Variants in CYP2W1 observed in about 807,000 individuals in gnomAD.
CYP2W1 encodes the protein cytochrome P450 family 2 subfamily W member 1.
Under a neutral mutation model 44.9 loss-of-function variants are expected in CYP2W1, and 51 were observed. That is an observed-to-expected ratio of 1.14 (90% confidence interval 0.91 to 1.43). CYP2W1 has a LOEUF of 1.43. Ranked by LOEUF, CYP2W1 falls within the 40% of genes most tolerant of loss-of-function variation. CYP2W1 has a pLI of 0.00. For missense variants in CYP2W1, 746 were observed against 700.0 expected (o/e 1.07, Z -0.74); for synonymous variants, 383 against 338.3 (o/e 1.13, Z -1.45).
rs374393317 is a variant in CYP2W1 at position 983,343 on chromosome 7, G to A, written c.132G>A (p.Leu44=). ...GPRPLPLVGN[L]HLLRLSQQDR... is the part of the protein sequence containing the mutation. ...GCCCGCTGCCGCTCGTCGGGAACCT[G>A]CACTTGCTGCGTCTGTCGCAACAGG... The change falls in exon 1 of 9, where the codon CTG becomes CTA. Residue 44 remains leucine, a synonymous_variant. Transcript: ENST00000308919. 5.9e-6 allele frequency: 9 copies of A among 1,537,986 alleles called. No individual in the cohort carries two copies. Among genetic ancestry groups the A allele is most frequent in the Non-Finnish European group, 7.0e-6 (8 of 1,144,460 alleles).
rs779779809 is a variant in CYP2W1, at chr7:988,766, C to T, written c.1417C>T (p.Arg473Trp). 2.5e-6 allele frequency: 4 copies of T among 1,598,180 alleles called. No homozygotes were observed. Among genetic ancestry groups the T allele is most frequent in the Admixed American group, 1.7e-5 (1 of 59,838 alleles). The change falls in exon 9 of 9, where the codon CGG becomes TGG. Residue 473 changes from arginine (R) to tryptophan (W), a missense_variant. Arg to Trp is a moderately radical substitution (Grantham distance 101). Transcript: ENST00000308919. The stretch of plus-strand genomic sequence containing the variant: ...GGCCTCCCTGGACACCACGCCCGCC[C>T]GGGCTTTTACCATGAGGCCGAGGGC... ...SPASLDTTPA[R>W]AFTMRPRAQA...
rs1486164670 is a variant in CYP2W1, at chr7:988,954, C to T, written c.*132C>T. ...GAGGACTCCCACCCTCACCCCCACC[C>T]CCACAGGGTCAGCAACTGCTTCCGG... On this transcript the variant is annotated 3_prime_UTR_variant, in exon 9 of 9. Transcript: ENST00000308919. 6.4e-6 allele frequency: 4 copies of T among 621,610 alleles called. No individual in the cohort carries two copies. The highest frequency in any genetic ancestry group is 1.1e-5 in the Non-Finnish European group (4 of 359,734). 38.5% of individuals were successfully genotyped at this position (621,610 alleles called of 1,614,324 possible).
rs376865984 is a variant in CYP2W1, at chr7:988,469, G to A, written c.1285+51G>A. Reference sequence around the variant, plus strand: ...GGGCGGCACCTCCAGGGCTCCAGGGGTGGGACGGCCCCAGCTCCGCCTGCC... The same window carrying A: ...GGGCGGCACCTCCAGGGCTCCAGGGATGGGACGGCCCCAGCTCCGCCTGCC... On this transcript the variant is annotated intron_variant, in intron 8 of 8. Coordinates refer to ENST00000308919, the MANE Select transcript of CYP2W1 (RefSeq NM_017781.3). The A allele has an allele frequency of 2.2e-3, 3,600 of 1,607,774 alleles. 6 individuals are homozygous for A. Among genetic ancestry groups the A allele is most frequent in the Non-Finnish European group, 2.7e-3 (3,141 of 1,178,108 alleles).
chr7:984,377 A>T, intron 1 of CYP2W1, 35 bp from the exon 2 acceptor site: 1 of 1,539,590 alleles, frequency 6.5e-7, no homozygotes, highest in Non-Finnish European at 8.7e-7. Flanking sequence ...CTTGTGGGTG[A>T]GGGCTGCCCG....
rs1313147827 is a variant in CYP2W1, at chr7:987,326, G to A, written c.959-21G>A. On this transcript the variant is annotated intron_variant, in intron 6 of 8. Coordinates refer to ENST00000308919, the MANE Select transcript of CYP2W1 (RefSeq NM_017781.3). The stretch of plus-strand genomic sequence containing the variant: ...GACGAGGGATGGCGCTGCCACCCAA[G>A]CGGCCCACCCTTTGCCCCAGGCCGG... 5 of 1,553,392 alleles carry A rather than the reference G, an allele frequency of 3.2e-6. No homozygotes were observed. In the African/African-American group the frequency reaches 5.4e-5, roughly 17 times the overall value.
intron 1 of CYP2W1, 31 bp downstream of exon 1, chr7:983,416 G>A (rs75358992): frequency 0.17 from 249,863 of 1,441,902 alleles, 22,607 homozygotes; most frequent in Admixed American, 0.22. Context: ...AGCTCTTGCC[G>A]CTTGGACAGC....
chr7:983,495 G>A (rs113094224), intron 1 of CYP2W1, 110 bp downstream of exon 1: 10 of 1,113,622 alleles, frequency 9.0e-6, no homozygotes, highest in African/African-American at 1.6e-5. Flanking sequence ...ACATGGTGCC[G>A]GGCCCAGCGG....
intron 1 of CYP2W1, 120 bp downstream of exon 1, chr7:983,505 G>A: frequency 9.4e-7 from 1 of 1,059,710 alleles, no homozygotes; most frequent in Non-Finnish European, 1.3e-6. Context: ...GGGCCCAGCG[G>A]GGCACGCAGG....
chr7:984,184 C>A (rs899074114), intron 1 of CYP2W1, among the ~76,000 whole-genome samples: 13 of 152,228 alleles, frequency 8.5e-5, no homozygotes, highest in African/African-American at 3.1e-4. Flanking sequence ...GAAAATCCCA[C>A]AACAGCCATG....
At chr7:985,140 G>C (rs770723423) in intron 3 of CYP2W1, 26 bp from the exon 4 acceptor site, 10 of 1,601,154 alleles carry the variant, frequency 6.2e-6, no homozygotes, top group East Asian at 2.2e-5. Context: ...GGGCCTGGAC[G>C]TGCCTGAGGC....
Position 985,304 on chromosome 7 carries a change from T to A in CYP2W1, c.626T>A (p.Leu209Ter). 6.4e-7 allele frequency: 1 copy of A among 1,551,082 alleles called. No individual in the cohort carries two copies. The highest frequency in any genetic ancestry group is 8.7e-7 in the Non-Finnish European group (1 of 1,147,140). ...CTCATCGATGAGGTCATGGTCCTCT[T>A]GGGGTCCCCTGGCCTGCAGGTGAGG... is the stretch of plus-strand genomic sequence containing the variant. ...LGLIDEVMVL[L>*]GSPGLQLFNV... The change falls in exon 4 of 9, where the codon TTG becomes TAG. Residue 209 changes from leucine (L) to a stop codon, truncating the protein, a stop_gained. Transcript: ENST00000308919. LOFTEE classifies it high-confidence loss of function.
chr7:986,112 T>A (rs1848322380), intron 4 of CYP2W1, among the ~76,000 whole-genome samples: 1 of 152,126 alleles, frequency 6.6e-6, no homozygotes, highest in African/African-American at 2.4e-5. Context: ...TGCCAGCTCC[T>A]TACCACAGAG....
chr7:985,801 C>T (rs991246443), intron 4 of CYP2W1, among the ~76,000 whole-genome samples: 3 of 152,174 alleles, frequency 2.0e-5, no homozygotes, highest in African/African-American at 4.8e-5. Flanking sequence ...ATTTGATGTG[C>T]GTTTACCGAA....
Position 987,335 on chromosome 7 carries a change from C to T in CYP2W1, c.959-12C>T, listed in dbSNP as rs766335746. ...TGGCGCTGCCACCCAAGCGGCCCAC[C>T]CTTTGCCCCAGGCCGGGTGCAGGAG... On this transcript the variant is annotated splice_polypyrimidine_tract_variant and intron_variant, in intron 6 of 8. Transcript: ENST00000308919. 6.4e-7 allele frequency: 1 copy of T among 1,567,004 alleles called. No homozygotes were observed. The highest frequency in any genetic ancestry group is 2.3e-5 in the East Asian group (1 of 43,676).
rs113795030 is a variant in CYP2W1 at position 987,262 on chromosome 7, T to C, written c.958+17T>C. 39,375 of 1,505,814 alleles carry C rather than the reference T, an allele frequency of 0.026. 631 individuals carry two copies. Among genetic ancestry groups the C allele is most frequent in the African/African-American group, 0.058 (4,211 of 72,276 alleles). 93.3% of individuals were successfully genotyped at this position (1,505,814 alleles called of 1,614,324 possible). On this transcript the variant is annotated intron_variant, in intron 6 of 8. Transcript: ENST00000308919. ...ACGTGCAGGGTGAGACCCCGGCGCC[T>C]GGCGAGACGGCTCCTTCTGCCCCCG...
rs772820393 is a variant in CYP2W1 at position 983,331 on chromosome 7, C to G, written c.120C>G (p.Leu40=). Residue 40 remains leucine (L), a synonymous_variant, in exon 1 of 9, where the codon CTC becomes CTG. Coordinates refer to ENST00000308919, the MANE Select transcript of CYP2W1 (RefSeq NM_017781.3). ...RWPPGPRPLP[L]VGNLHLLRLS... ...CCCCGGGGCCTCGCCCGCTGCCGCT[C>G]GTCGGGAACCTGCACTTGCTGCGTC... 4 of 1,539,324 alleles carry G rather than the reference C, an allele frequency of 2.6e-6. No individual in the cohort carries two copies. In the Admixed American group the frequency reaches 5.9e-5, roughly 23 times the overall value.
At chr7:988,473 G>C in intron 8 of CYP2W1, 55 bp downstream of exon 8, 1 of 1,606,220 alleles carries the variant, frequency 6.2e-7, no homozygotes, top group African/African-American at 1.3e-5. Context: ...CCAGGGGTGG[G>C]ACGGCCCCAG....
At position 989,102 on chromosome 7, in the gene CYP2W1, A is replaced by C. The variant is rs1583247391; in HGVS notation, c.*280A>C. The C allele has an allele frequency of 1.6e-5, 7 of 427,374 alleles. No homozygotes were observed. The East Asian group carries it at 2.4e-4, about 15-fold the overall frequency. 26.5% of individuals were successfully genotyped at this position (427,374 alleles called of 1,614,324 possible). ...GGCCCCGCCCACTCTCCCACCCCTG[A>C]AGCTGCACTCCCACCCACCTAGCTC... is the stretch of plus-strand genomic sequence containing the variant. On this transcript the variant is annotated 3_prime_UTR_variant, in exon 9 of 9. Coordinates refer to ENST00000308919, the MANE Select transcript of CYP2W1 (RefSeq NM_017781.3).
In CYP2W1 at chr7:986,817, C is replaced by T. The variant is rs1562955183; in HGVS notation, c.819+20C>T. ...GGACAGGTGTGTCGGGACCCAAGAC[C>T]TCCTTGAAGGCCTGTAGGGGTCCTG... On this transcript the variant is annotated intron_variant, in intron 5 of 8. Transcript: ENST00000308919. 2.0e-6 allele frequency: 3 copies of T among 1,517,662 alleles called. No individual in the cohort carries two copies. The highest frequency in any genetic ancestry group is 2.1e-5 in the Admixed American group (1 of 48,178). The allele number at this position is 1,517,662 out of a possible 1,614,324, so 94.0% of individuals were successfully genotyped here.
Sources: gnomAD v4.1 joint callset for allele counts (sites outside exome capture counted in the v4.1 genomes callset) on GRCh38, gnomAD v4.1.1 for gene constraint, MANE v1.5 for transcripts, NCBI Gene and HGNC (gene_info 2026-07-23, HGNC 2026-07-21) for gene names.